Variants in ARHGEF7 observed in about 807,000 individuals in gnomAD.
ARHGEF7 encodes the protein PAK-interacting exchange factor beta.
In ARHGEF7, 33 loss-of-function variants were observed where a neutral mutation model predicts 109.8. That is an observed-to-expected ratio of 0.30 (90% confidence interval 0.23 to 0.40). The LOEUF (loss-of-function observed/expected upper bound fraction) is 0.40. Among genes scored for constraint, ARHGEF7 ranks in the 10% least tolerant of loss-of-function variants. The pLI is 1.00. For synonymous variants in ARHGEF7, 458 were observed against 424.6 expected (o/e 1.08, Z -0.97); for missense variants, 938 against 1,098.5 (o/e 0.85, Z 2.07).
At chr13:111,254,198 G>A (rs550346070) in intron 8 of ARHGEF7, among the ~76,000 whole-genome samples, 2 of 152,212 alleles carry the variant, frequency 1.3e-5, no homozygotes, top group African/African-American at 2.4e-5. Flanking sequence ...TACATCAAGA[G>A]AAAAATTTTC....
chr13:111,204,522 CTG>C (rs1321573134), intron 2 of ARHGEF7, among the ~76,000 whole-genome samples: 5 of 152,200 alleles, frequency 3.3e-5, no homozygotes, highest in Non-Finnish European at 7.3e-5. Context: ...TTTGACATGG[CTG>C]TGTGTGTGCA....
At chr13:111,284,855 G>A (rs1227462522) in intron 16 of ARHGEF7, among the ~76,000 whole-genome samples, 5 of 152,202 alleles carry the variant, frequency 3.3e-5, no homozygotes, top group Non-Finnish European at 2.9e-5. Flanking sequence ...GACCCTCTGC[G>A]CCTGCAGGTG....
intron 8 of ARHGEF7, among the ~76,000 whole-genome samples, chr13:111,248,820 A>G (rs2089321492): frequency 6.6e-6 from 1 of 152,150 alleles, no homozygotes; most frequent in Non-Finnish European, 1.5e-5. Flanking sequence ...CTGATTCTTT[A>G]TTGTGAGGAT....
At chr13:111,280,424 C>A in intron 14 of ARHGEF7, 74 bp downstream of exon 14, 1 of 1,585,372 alleles carries the variant, frequency 6.3e-7, no homozygotes, top group Non-Finnish European at 8.6e-7. Context: ...CAGATTCTTG[C>A]TTGCGTATTT....
chr13:111,292,918 G>A (rs1196998864), intron 19 of ARHGEF7: 15 of 987,014 alleles, frequency 1.5e-5, no homozygotes, highest in Non-Finnish European at 1.6e-5. Flanking sequence ...CGGGCGTCAC[G>A]TGTGTTCAGA....
chr13:111,133,285 C>T (rs573449339), intron 1 of ARHGEF7, among the ~76,000 whole-genome samples: 53 of 152,078 alleles, frequency 3.5e-4, no homozygotes, highest in South Asian at 2.7e-3. Flanking sequence ...TCTATATGCA[C>T]GTATCTATAA....
rs192189740 is a variant in ARHGEF7, at chr13:111,202,584, G to A, written c.253-2705G>A. 2.3e-3 allele frequency among the ~76,000 whole-genome samples: 357 copies of A among 152,308 alleles called. 3 individuals are homozygous for A. Among genetic ancestry groups the A allele is most frequent in the Middle Eastern group, 6.8e-3 (2 of 294 alleles). On this transcript the variant is annotated intron_variant, in intron 2 of 21. Transcript: ENST00000646102. ...AAAGCACCCAGCAAGTCATGGTGGG[G>A]AATGAATGAATCCCGTCTAAGACAC...
At chr13:111,268,658 C>T (rs2091882708) in intron 9 of ARHGEF7, among the ~76,000 whole-genome samples, 1 of 152,170 alleles carries the variant, frequency 6.6e-6, no homozygotes, top group South Asian at 2.1e-4. Flanking sequence ...GGACTCGGCT[C>T]TGGCTGTGGC....
chr13:111,140,837 C>G (rs769925731), intron 1 of ARHGEF7, among the ~76,000 whole-genome samples: 3 of 152,084 alleles, frequency 2.0e-5, no homozygotes, highest in African/African-American at 7.2e-5. Context: ...CGTCACCATG[C>G]CCAGCTAATT....
At chr13:111,179,040 C>T (rs1414223827) in intron 2 of ARHGEF7, among the ~76,000 whole-genome samples, 1 of 150,772 alleles carries the variant, frequency 6.6e-6, no homozygotes, top group Admixed American at 6.6e-5. Flanking sequence ...TCCGTGTGCC[C>T]TTCTCACAGG....
intron 1 of ARHGEF7, chr13:111,153,661 G>T: frequency 8.1e-7 from 1 of 1,231,934 alleles, no homozygotes; most frequent in Non-Finnish European, 1.0e-6. Context: ...CCGGCGCCGG[G>T]GCTCACTTCC....
chr13:111,129,902 C>T (rs181429060), intron 1 of ARHGEF7, among the ~76,000 whole-genome samples: 8 of 152,298 alleles, frequency 5.3e-5, no homozygotes, highest in South Asian at 2.1e-4. Context: ...GGAAACGATA[C>T]GGCCATACCA....
Position 111,228,091 on chromosome 13 carries a change from G to A in ARHGEF7, c.671-5114G>A, listed in dbSNP as rs1336879585. Among the ~76,000 whole-genome samples, 6 of 152,132 alleles carry A rather than the reference G, an allele frequency of 3.9e-5. No homozygotes were observed. The highest frequency in any genetic ancestry group is 9.7e-5 in the African/African-American group (4 of 41,424). Reference sequence around the variant, plus strand: ...GAAGCACATCTGAGGTGTCCTGCACGGCACATGAGGTAAGCGTGCAGGTCT... The same window carrying A: ...GAAGCACATCTGAGGTGTCCTGCACAGCACATGAGGTAAGCGTGCAGGTCT... On this transcript the variant is annotated intron_variant, in intron 5 of 21. Coordinates refer to ENST00000646102, the MANE Select transcript of ARHGEF7 (RefSeq NM_001354046.2). The surrounding 1 kb of genome is among the most constrained non-coding windows in gnomAD (Gnocchi z 4.6).
At chr13:111,274,412 G>T (rs1489557120) in intron 10 of ARHGEF7, among the ~76,000 whole-genome samples, 4 of 152,162 alleles carry the variant, frequency 2.6e-5, no homozygotes, top group African/African-American at 9.7e-5. Flanking sequence ...AGACTGTAGG[G>T]TCTTCTTCAC....
chr13:111,275,880 A>C (rs2092447338), intron 12 of ARHGEF7: 1 of 607,218 alleles, frequency 1.6e-6, no homozygotes, highest in Admixed American at 2.8e-5. Context: ...GGACTTGTTG[A>C]TCAGTTTGAT....
intron 2 of ARHGEF7, among the ~76,000 whole-genome samples, chr13:111,172,660 AC>A (rs1351578025): frequency 6.6e-6 from 1 of 152,202 alleles, no homozygotes. Flanking sequence ...TAGTAAAAAC[AC>A]CCTACAGACT....
At chr13:111,265,762 T>G in intron 8 of ARHGEF7, 1 of 454,848 alleles carries the variant, frequency 2.2e-6, no homozygotes, top group South Asian at 1.6e-5. Flanking sequence ...ATGAATAGGA[T>G]CAGCAGCCTT....
rs150591218 is a variant in ARHGEF7, at chr13:111,302,764, C to G, written c.2467-227C>G. ...ATTCATTCATGGACTTAATAAGAGC[C>G]ATTAGGACCATTTCCATCCCGGGAA... On this transcript the variant is annotated intron_variant, in intron 21 of 21. Coordinates refer to ENST00000646102, the MANE Select transcript of ARHGEF7 (RefSeq NM_001354046.2). Among the ~76,000 whole-genome samples the G allele has an allele frequency of 2.1e-3, 316 of 152,298 alleles. 4 individuals are homozygous for G. The highest frequency in any genetic ancestry group is 0.016 in the Admixed American group (241 of 15,294).
At chr13:111,129,520 C>G (rs2074627861) in intron 1 of ARHGEF7, among the ~76,000 whole-genome samples, 1 of 152,142 alleles carries the variant, frequency 6.6e-6, no homozygotes, top group South Asian at 2.1e-4. Context: ...AAAGAACTCT[C>G]AAAACTTAAT....
Sources: gnomAD v4.1 joint callset for allele counts (sites outside exome capture counted in the v4.1 genomes callset) on GRCh38, gnomAD v4.1.1 for gene constraint, Gnocchi (gnomAD v3.1) non-coding constraint, MANE v1.5 for transcripts, NCBI Gene and HGNC (gene_info 2026-07-23, HGNC 2026-07-21) for gene names.